Variants in FAM186B observed in about 807,000 individuals in gnomAD.
FAM186B encodes the protein family with sequence similarity 186 member B.
FAM186B carries 68 observed loss-of-function variants against 83.4 expected under a neutral mutation model. That is an observed-to-expected ratio of 0.81 (90% confidence interval 0.67 to 1.00). The LOEUF (loss-of-function observed/expected upper bound fraction) is 1.00. Among genes scored for constraint, FAM186B ranks in the 50% least tolerant of loss-of-function variants. The pLI, the probability that FAM186B is intolerant of heterozygous loss-of-function variation, is 0.00. For synonymous variants in FAM186B, 389 were observed against 422.0 expected (o/e 0.92, Z 0.96); for missense variants, 983 against 1,099.2 (o/e 0.89, Z 1.49).
rs1368564789 is a variant in FAM186B at position 49,605,493 on chromosome 12, C to T, written c.-16G>A. On this transcript the variant is annotated 5_prime_UTR_variant, in exon 1 of 7. An upstream open reading frame in the 5' UTR loses its in-frame stop. Coordinates refer to ENST00000257894, the MANE Select transcript of FAM186B (RefSeq NM_032130.3). ...CCTTCTCCATTTTGGATCACTCTGTCAGTCACAAAACATCCTGTGTTTCTG... is the reference window on the plus strand; with the variant it reads ...CCTTCTCCATTTTGGATCACTCTGTTAGTCACAAAACATCCTGTGTTTCTG... The T allele has an allele frequency of 6.2e-7, 1 of 1,610,068 alleles. No individual in the cohort carries two copies. Among genetic ancestry groups the T allele is most frequent in the East Asian group, 2.2e-5 (1 of 44,850 alleles).
chr12:49,604,652 A>G (rs2138311966), intron 1 of FAM186B, 114 bp from the exon 2 acceptor site: 2 of 740,716 alleles, frequency 2.7e-6, no homozygotes, highest in Non-Finnish European at 4.5e-6. Flanking sequence ...CAGTTTTCTT[A>G]TATTTAAAGT....
Position 49,599,681 on chromosome 12 carries a change from G to A in FAM186B, c.1959C>T (p.Ser653=). 6.2e-7 allele frequency: 1 copy of A among 1,607,944 alleles called. No individual in the cohort carries two copies. The highest frequency in any genetic ancestry group is 1.7e-5 in the Admixed American group (1 of 59,188). ...RRLTWPSLQI[S]PANIKKKVYH... Reference sequence around the variant, plus strand: ...ACACCTTCTTCTTAATATTTGCAGGGGATATCTGCAAAGAGGGCCAGGTCA... The same window carrying A: ...ACACCTTCTTCTTAATATTTGCAGGAGATATCTGCAAAGAGGGCCAGGTCA... The change falls in exon 4 of 7, where the codon TCC becomes TCT. Residue 653 remains serine (S), a synonymous_variant. Transcript: ENST00000257894.
chr12:49,594,148 T>C, intron 5 of FAM186B: 1 of 274,426 alleles, frequency 3.6e-6, no homozygotes, highest in Non-Finnish European at 7.6e-6. Flanking sequence ...CTGTGGAGGA[T>C]GTCATGCAGA....
chr12:49,611,011 G>A, the FAM186B span, among the ~76,000 whole-genome samples: 9 of 151,666 alleles, frequency 5.9e-5, no homozygotes, highest in Admixed American at 1.3e-4. Flanking sequence ...AGGCCAAGGC[G>A]GGCGAATCAC....
chr12:49,596,306 T>A, intron 5 of FAM186B, among the ~76,000 whole-genome samples: 1 of 121,922 alleles, frequency 8.2e-6, no homozygotes, highest in African/African-American at 3.4e-5. Flanking sequence ...CTCGGCAATA[T>A]AGTGAGACCC....
rs141022163 is a variant in FAM186B, at chr12:49,587,724, A to G, written c.2563T>C (p.Trp855Arg). 6 of 1,613,866 alleles carry G rather than the reference A, an allele frequency of 3.7e-6. No individual in the cohort carries two copies. In the African/African-American group the frequency reaches 6.7e-5, roughly 18 times the overall value. The change falls in exon 7 of 7, where the codon TGG (tryptophan) becomes CGG (arginine). Residue 855 changes from tryptophan (W) to arginine (R), a missense_variant. Trp to Arg is a moderately radical substitution (Grantham distance 101, BLOSUM62 -3). Transcript: ENST00000257894. Reference sequence around the variant, plus strand: ...CTGGAGGAGGCCACCTCGGTCTTCCAGACAGCCTCCATCTGCTTCCCCTGT... The same window carrying G: ...CTGGAGGAGGCCACCTCGGTCTTCCGGACAGCCTCCATCTGCTTCCCCTGT... ...RQQGKQMEAV[W>R]KTEVASSSYA...
intron 3 of FAM186B, 63 bp from the exon 4 acceptor site, chr12:49,601,197 C>T (rs187270387): frequency 1.3e-6 from 2 of 1,505,078 alleles, no homozygotes; most frequent in East Asian, 2.3e-5. Context: ...TGCATTGATT[C>T]TCCAAACCCT....
chr12:49,614,603 G>C, the FAM186B span, among the ~76,000 whole-genome samples: 1 of 152,134 alleles, frequency 6.6e-6, no homozygotes, highest in South Asian at 2.1e-4. Flanking sequence ...AAGGAGGAAA[G>C]GGCTGAAAAA....
Position 49,599,818 on chromosome 12 carries a change from GC to G in FAM186B, c.1821del (p.Lys607AsnfsTer5), listed in dbSNP as rs1939827768. ...AACTCCACTGAACTCATAGGTCTCT[GC>G]TTTCCCAGGGCAGGCTGCTGGGTAC... is the stretch of plus-strand genomic sequence containing the variant. ...SPSTQQPALG[K>X]QRPMSSVEFT... On this transcript the variant is annotated frameshift_variant, in exon 4 of 7. Transcript: ENST00000257894. LOFTEE classifies it high-confidence loss of function. The G allele has an allele frequency of 6.2e-7, 1 of 1,612,280 alleles. No homozygotes were observed. Among genetic ancestry groups the G allele is most frequent in the Admixed American group, 1.7e-5 (1 of 59,802 alleles).
chr12:49,608,429 T>G (rs1940055336), upstream of FAM186B, among the ~76,000 whole-genome samples: 1 of 147,946 alleles, frequency 6.8e-6, no homozygotes, highest in Non-Finnish European at 1.5e-5. Flanking sequence ...AGTCCTGGGT[T>G]GCAGTGAGCT....
At chr12:49,605,118 A>T in intron 1 of FAM186B, 1 of 1,246,446 alleles carries the variant, frequency 8.0e-7, no homozygotes, top group Non-Finnish European at 1.0e-6. Context: ...CACCACCACG[A>T]TGTGCCTCAG....
chr12:49,597,558 G>A (rs1030476024), intron 5 of FAM186B, among the ~76,000 whole-genome samples: 2 of 152,158 alleles, frequency 1.3e-5, no homozygotes, highest in Non-Finnish European at 2.9e-5. Context: ...TTGGATTATA[G>A]TTAATAGTGT....
chr12:49,608,669 G>A (rs558132624), upstream of FAM186B, among the ~76,000 whole-genome samples: 27 of 152,026 alleles, frequency 1.8e-4, no homozygotes, highest in Middle Eastern at 6.8e-3. Context: ...CTAGGTCTCA[G>A]GGAGGAAAAC....
chr12:49,615,551 G>A, the FAM186B span, among the ~76,000 whole-genome samples: 1 of 152,216 alleles, frequency 6.6e-6, no homozygotes, highest in Admixed American at 6.5e-5. Flanking sequence ...AGTACTTTGG[G>A]AGGCTGAGGT....
chr12:49,588,513 G>A lies in FAM186B; in HGVS notation c.2475C>T (p.Pro825=), dbSNP rs2138241193. The part of the protein sequence containing the change: ...ASPRHIRPSG[P]TYKQPFLSRH... ...TAGACAGAAAGGGCTGCTTGTAGGT[G>A]GGGCCACTGGGGCGGATGTGCCGGG... is the stretch of plus-strand genomic sequence containing the variant. Residue 825 remains proline, a synonymous_variant, in exon 6 of 7, where the codon CCC becomes CCT. Coordinates refer to ENST00000257894, the MANE Select transcript of FAM186B (RefSeq NM_032130.3). 6.2e-7 allele frequency: 1 copy of A among 1,613,438 alleles called. No individual in the cohort carries two copies. The highest frequency in any genetic ancestry group is 8.5e-7 in the Non-Finnish European group (1 of 1,179,692).
At chr12:49,605,753 C>CTTTTTTTT (rs200117345), upstream of FAM186B, 4 of 228,858 alleles carry the variant, frequency 1.7e-5, no homozygotes, top group Admixed American at 5.9e-5. Flanking sequence ...GACTTGTTGC[C>CTTTTTTTT]TTTTCTTTTT....
the FAM186B span, among the ~76,000 whole-genome samples, chr12:49,621,243 T>A: frequency 5.3e-5 from 8 of 151,788 alleles, no homozygotes; most frequent in Non-Finnish European, 1.0e-4. Flanking sequence ...ATTCGCCGGG[T>A]GTGGTGGCGC....
At chr12:49,604,182 T>C in intron 2 of FAM186B, 131 bp downstream of exon 2, 1 of 684,948 alleles carries the variant, frequency 1.5e-6, no homozygotes, top group Non-Finnish European at 2.5e-6. Context: ...CTCAGGAGCA[T>C]GGAGGTGATG....
intron 5 of FAM186B, among the ~76,000 whole-genome samples, chr12:49,589,569 G>T (rs1421983536): frequency 6.6e-6 from 1 of 152,016 alleles, no homozygotes; most frequent in Non-Finnish European, 1.5e-5. Flanking sequence ...CGTCCCAAAG[G>T]GTATGAATTC....
Sources: gnomAD v4.1 joint callset for allele counts (sites outside exome capture counted in the v4.1 genomes callset) on GRCh38, gnomAD v4.1.1 for gene constraint, MANE v1.5 for transcripts, NCBI Gene and HGNC (gene_info 2026-07-23, HGNC 2026-07-21) for gene names.